Variants in GAS7 observed in about 807,000 individuals in gnomAD.
GAS7 encodes the protein growth arrest-specific protein 7.
GAS7 carries 28 observed loss-of-function variants against 71.1 expected under a neutral mutation model. The observed-to-expected ratio is 0.39, with a 90% CI of 0.29 to 0.54. The LOEUF is 0.54. Among genes scored for constraint, GAS7 ranks in the 20% least tolerant of loss-of-function variants. The probability of loss-of-function intolerance (pLI) is 0.62; values close to 1 mark genes in which losing one functional copy is unlikely to be tolerated. For synonymous variants in GAS7, 258 were observed against 245.8 expected, an observed-to-expected ratio of 1.05 and a Z score of -0.46; for missense variants, 436 against 627.8, an observed-to-expected ratio of 0.69 and a Z score of 3.27.
intron 1 of GAS7, among the ~76,000 whole-genome samples, chr17:10,174,121 C>T (rs1371423546): frequency 6.6e-6 from 1 of 152,194 alleles, no homozygotes; most frequent in Non-Finnish European, 1.5e-5. Context: ...ATGATGGAAT[C>T]CCTGGCCTCA....
chr17:10,147,077 T>A (rs969994466), intron 1 of GAS7, among the ~76,000 whole-genome samples: 1 of 152,174 alleles, frequency 6.6e-6, no homozygotes, highest in East Asian at 1.9e-4. Context: ...ACCTATTAAG[T>A]CAAGAATTAC....
At chr17:10,150,122 A>G (rs1457554839) in intron 1 of GAS7, among the ~76,000 whole-genome samples, 2 of 152,226 alleles carry the variant, frequency 1.3e-5, no homozygotes, top group Non-Finnish European at 2.9e-5. Flanking sequence ...TAACATCTCA[A>G]TAAAGAAAAA....
At chr17:10,037,575 G>A (rs2072778706) in intron 1 of GAS7, among the ~76,000 whole-genome samples, 2 of 152,138 alleles carry the variant, frequency 1.3e-5, no homozygotes, top group Admixed American at 6.5e-5. Context: ...AAGAAAATAA[G>A]TACAATCGTC....
intron 2 of GAS7, among the ~76,000 whole-genome samples, chr17:10,012,383 G>A (rs2071809322): frequency 6.6e-6 from 1 of 152,106 alleles, no homozygotes; most frequent in South Asian, 2.1e-4. Context: ...TGCCTCCTGG[G>A]CTCAAGTGAT....
At chr17:10,003,179 G>A (rs1319704917) in intron 2 of GAS7, among the ~76,000 whole-genome samples, 1 of 152,208 alleles carries the variant, frequency 6.6e-6, no homozygotes, top group East Asian at 1.9e-4. Flanking sequence ...ACACCTGGAA[G>A]TTGATCTGGG....
intron 3 of GAS7, among the ~76,000 whole-genome samples, chr17:9,976,519 G>A (rs876046): frequency 0.11 from 17,169 of 152,246 alleles, 1,192 homozygotes; most frequent in Middle Eastern, 0.23. Flanking sequence ...CTGGGTTCAG[G>A]AGCCCCCTCC....
chr17:10,141,443 CAA>C (rs879309652), intron 1 of GAS7, among the ~76,000 whole-genome samples: 3 of 140,994 alleles, frequency 2.1e-5, no homozygotes, highest in Non-Finnish European at 1.6e-5. Context: ...AAGACTGTGC[CAA>C]AAAAAAAAAG....
chr17:10,121,716 A>G (rs925338593), intron 1 of GAS7, among the ~76,000 whole-genome samples: 15 of 152,182 alleles, frequency 9.9e-5, no homozygotes, highest in Admixed American at 7.2e-4. Context: ...TGGGTTGAGG[A>G]GATAAGTAAA....
intron 1 of GAS7, among the ~76,000 whole-genome samples, chr17:10,182,048 G>C (rs552303137): frequency 6.6e-6 from 1 of 152,198 alleles, no homozygotes; most frequent in African/African-American, 2.4e-5. Context: ...CCCTTTCCCA[G>C]AAATCTCATG....
At chr17:10,133,971 C>T (rs889656327) in intron 1 of GAS7, among the ~76,000 whole-genome samples, 1 of 152,066 alleles carries the variant, frequency 6.6e-6, no homozygotes, top group African/African-American at 2.4e-5. Flanking sequence ...CTCCAATGAC[C>T]ATTTTCTTTG....
At chr17:10,171,316 A>G (rs1567619117) in intron 1 of GAS7, among the ~76,000 whole-genome samples, 2 of 152,184 alleles carry the variant, frequency 1.3e-5, no homozygotes. Context: ...AACTTGGTCC[A>G]AGCAGGGCTC....
chr17:10,178,304 A>G (rs17810641), intron 1 of GAS7, among the ~76,000 whole-genome samples: 73,406 of 151,890 alleles, frequency 0.48, 18,018 homozygotes, highest in East Asian at 0.56. Context: ...TGCCCGTGGA[A>G]TGCTTGGCAA....
At chr17:9,946,710 T>A (rs1333966338) in intron 6 of GAS7, among the ~76,000 whole-genome samples, 184 bp downstream of exon 6, 2 of 152,224 alleles carry the variant, frequency 1.3e-5, no homozygotes, top group Non-Finnish European at 2.9e-5. Flanking sequence ...CTGAGATTCA[T>A]GGAATGAGCT....
chr17:9,991,666 TA>T lies in GAS7; in HGVS notation c.305-9783del, dbSNP rs201597887. On this transcript the variant is annotated intron_variant, in intron 2 of 13. Coordinates refer to ENST00000432992, the MANE Select transcript of GAS7 (RefSeq NM_201433.2). ...TCAATCCCCATTAGGATCCCTGATC[TA>T]CCAGCCTCCTTACAGAGCGTAGACC... Among the ~76,000 whole-genome samples, 1,201 of 152,074 alleles carry T rather than the reference TA, an allele frequency of 7.9e-3. 15 individuals carry two copies. Among genetic ancestry groups the T allele is most frequent in the African/African-American group, 0.027 (1,127 of 41,384 alleles).
chr17:10,094,616 G>C (rs1338345476), intron 1 of GAS7, among the ~76,000 whole-genome samples: 3 of 151,940 alleles, frequency 2.0e-5, no homozygotes, highest in Non-Finnish European at 2.9e-5. Context: ...CCACAGACAC[G>C]CGCCACCACG....
At chr17:9,971,824 C>T (rs1026715275) in intron 3 of GAS7, among the ~76,000 whole-genome samples, 12 of 152,168 alleles carry the variant, frequency 7.9e-5, no homozygotes, top group African/African-American at 2.9e-4. Flanking sequence ...GAGAATATGG[C>T]TGAAAGTTAC....
At chr17:10,028,586 A>T (rs1357957137) in intron 1 of GAS7, among the ~76,000 whole-genome samples, 2 of 152,292 alleles carry the variant, frequency 1.3e-5, no homozygotes, top group South Asian at 2.1e-4. Context: ...CATCTCAGAA[A>T]AGTATCTAGC....
chr17:10,049,611 T>TC (rs1338389313), intron 1 of GAS7, among the ~76,000 whole-genome samples: 3 of 60,264 alleles, frequency 5.0e-5, no homozygotes, highest in African/African-American at 3.6e-4. Context: ...AATTACTTCT[T>TC]TTTTTTTTTT....
intron 1 of GAS7, among the ~76,000 whole-genome samples, chr17:10,028,194 C>A (rs867546978): frequency 1.3e-5 from 2 of 152,192 alleles, no homozygotes; most frequent in African/African-American, 4.8e-5. Flanking sequence ...TGAGCCACTG[C>A]GCCCGGCCTT....
Sources: allele counts gnomAD v4.1 joint callset (sites outside exome capture counted in the v4.1 genomes callset), GRCh38; gene constraint gnomAD v4.1.1; transcripts MANE v1.5; gene names NCBI Gene and HGNC (gene_info 2026-07-23, HGNC 2026-07-21).